NAV3: variants seen among roughly 807,000 people sequenced by gnomAD.
NAV3 encodes neuron navigator 3.
A neutral mutation model predicts 244.7 loss-of-function variants in NAV3; 87 were observed. The observed-to-expected ratio is 0.36, with a 90% CI of 0.30 to 0.42. The LOEUF (loss-of-function observed/expected upper bound fraction) is 0.42, where lower values mean the gene tolerates loss of function less well. Ranked by LOEUF, NAV3 falls within the 20% of genes least tolerant of loss-of-function variation. NAV3 has a pLI of 1.00. For missense variants in NAV3, 2,663 were observed against 2,893.3 expected (o/e 0.92, Z 1.83); for synonymous variants, 1,126 against 1,042.2 (o/e 1.08, Z -1.55).
intron 2 of NAV3, among the ~76,000 whole-genome samples, chr12:77,696,962 T>A (rs979678873): frequency 2.6e-5 from 4 of 152,184 alleles, no homozygotes; most frequent in African/African-American, 9.6e-5. Context: ...AGCTTCATCT[T>A]TGGTGATATA....
At chr12:77,944,279 C>A (rs1890131690) in intron 3 of NAV3, among the ~76,000 whole-genome samples, 1 of 152,042 alleles carries the variant, frequency 6.6e-6, no homozygotes, top group South Asian at 2.1e-4. Context: ...TAAAGCTGGG[C>A]TGTGGTATGA....
At chr12:78,037,182 G>T (rs1345517102) in intron 9 of NAV3, 1 of 703,044 alleles carries the variant, frequency 1.4e-6, no homozygotes, top group Admixed American at 2.0e-5. Flanking sequence ...GGAATTGTCT[G>T]CAAGAAGAGG....
At chr12:78,117,398 A>T (rs1172745173) in intron 13 of NAV3, among the ~76,000 whole-genome samples, 1 of 44,402 alleles carries the variant, frequency 2.3e-5, no homozygotes, top group Non-Finnish European at 5.2e-5. Flanking sequence ...ATAAATATAT[A>T]TTTATATATT....
intron 39 of NAV3, among the ~76,000 whole-genome samples, chr12:78,206,037 C>G (rs569568891): frequency 3.3e-4 from 50 of 152,266 alleles, no homozygotes; most frequent in Non-Finnish European, 6.3e-4. Context: ...TCATCATCAT[C>G]ATCTCAGCTG....
chr12:77,960,046 C>T (rs1891744919), intron 3 of NAV3, among the ~76,000 whole-genome samples: 1 of 149,878 alleles, frequency 6.7e-6, no homozygotes, highest in African/African-American at 2.5e-5. Flanking sequence ...AACAGTAATG[C>T]ATTAAGCATT....
chr12:77,755,016 A>AGTT (rs1869060991), intron 2 of NAV3, among the ~76,000 whole-genome samples: 1 of 152,170 alleles, frequency 6.6e-6, no homozygotes, highest in South Asian at 2.1e-4. Context: ...TATCGGGAAA[A>AGTT]GTTTTTTTGC....
At chr12:78,099,082 T>C (rs1162121649) in intron 12 of NAV3, among the ~76,000 whole-genome samples, 1 of 151,594 alleles carries the variant, frequency 6.6e-6, no homozygotes, top group African/African-American at 2.4e-5. Flanking sequence ...TCAGTAATTC[T>C]CTTTTTGTAT....
At chr12:77,620,908 G>A (rs1871345008) in intron 2 of NAV3, among the ~76,000 whole-genome samples, 1 of 152,180 alleles carries the variant, frequency 6.6e-6, no homozygotes, top group Non-Finnish European at 1.5e-5. Context: ...AAAGTATTTG[G>A]AATTAATTAA....
At chr12:78,105,112 G>A (rs757711702) in intron 12 of NAV3, among the ~76,000 whole-genome samples, 11 of 152,052 alleles carry the variant, frequency 7.2e-5, no homozygotes, top group Admixed American at 2.0e-4. Flanking sequence ...ATACATTTAT[G>A]ACAGTATGGG....
In NAV3 at chr12:78,179,618, G is replaced by A. The variant is rs376446713; in HGVS notation, c.5453G>A (p.Arg1818Gln). 4.3e-6 allele frequency: 7 copies of A among 1,613,192 alleles called. No individual in the cohort carries two copies. The highest frequency in any genetic ancestry group is 2.7e-5 in the African/African-American group (2 of 74,888). Reference protein sequence around the residue: ...REKELKLTDIRLEALSSAHHL... With the variant: ...REKELKLTDIQLEALSSAHHL... ...AAGGAATTAAAATTAACGGATATTC[G>A]GCTGGAGGCCCTCAGCTCTGCTCAT... The change falls in exon 29 of 40, where the codon CGG (arginine) becomes CAG (glutamine). Residue 1818 changes from arginine (R) to glutamine (Q), a missense_variant. Arg to Gln is a conservative substitution (Grantham distance 43, BLOSUM62 1). Transcript: ENST00000397909.
In NAV3 at chr12:78,043,061, C is replaced by T. The variant is rs563772512; in HGVS notation, c.2024-6932C>T. ...ACCCGTCATCTACATTAGGTATTTC[C>T]CCTAATGCTATCCCTCCCCTTGATC... On this transcript the variant is annotated intron_variant, in intron 9 of 39. Coordinates refer to ENST00000397909, the MANE Select transcript of NAV3 (RefSeq NM_001024383.2). Among the ~76,000 whole-genome samples, 3 of 152,048 alleles carry T rather than the reference C, an allele frequency of 2.0e-5. No homozygotes were observed. In the East Asian group the frequency reaches 5.8e-4, roughly 30 times the overall value.
At chr12:77,747,475 T>A (rs4761397) in intron 2 of NAV3, among the ~76,000 whole-genome samples, 1 of 151,974 alleles carries the variant, frequency 6.6e-6, no homozygotes, top group Admixed American at 6.6e-5. Flanking sequence ...GTCAGTGTGG[T>A]GATTCCTCAG....
intron 12 of NAV3, among the ~76,000 whole-genome samples, chr12:78,071,509 G>T (rs914608036): frequency 2.0e-5 from 3 of 152,028 alleles, no homozygotes; most frequent in Non-Finnish European, 4.4e-5. Flanking sequence ...TAGGTTGCCT[G>T]TTCACTCTGA....
chr12:77,937,071 G>A (rs2137414204), intron 1 of NAV3, among the ~76,000 whole-genome samples: 1 of 152,172 alleles, frequency 6.6e-6, no homozygotes, highest in Middle Eastern at 3.4e-3. Flanking sequence ...TTTCCTTGGA[G>A]GGTCTCAAGT....
At position 78,190,170 on chromosome 12, in the gene NAV3, A is replaced by G. The variant is rs754734026; in HGVS notation, c.6242A>G (p.Lys2081Arg). The G allele has an allele frequency of 1.9e-6, 3 of 1,612,914 alleles. No homozygotes were observed. Among genetic ancestry groups the G allele is most frequent in the East Asian group, 4.5e-5 (2 of 44,658 alleles). Residue 2081 changes from lysine to arginine, a missense_variant, in exon 34 of 40, where the codon AAA (lysine) becomes AGA (arginine). Physicochemically the swap from Lys to Arg is conservative, Grantham distance 26. Transcript: ENST00000397909. ...EYVITKSGRK[K>R]TEDAIATFNV... ...GTAATAACCAAATCTGGAAGGAAAA[A>G]AACAGAGGATGCAATTGCCACTTTT...
chr12:78,035,693 G>A (rs1184837917), intron 9 of NAV3, among the ~76,000 whole-genome samples: 1 of 152,066 alleles, frequency 6.6e-6, no homozygotes, highest in Non-Finnish European at 1.5e-5. Flanking sequence ...AATATCAAGG[G>A]AAAACCCTTT....
intron 2 of NAV3, among the ~76,000 whole-genome samples, chr12:77,820,396 G>T (rs563235503): frequency 2.0e-5 from 3 of 152,166 alleles, no homozygotes. Context: ...ATCTTCATAT[G>T]TTAGAAGGTG....
At chr12:78,128,150 T>C (rs1956002526) in intron 17 of NAV3, among the ~76,000 whole-genome samples, 1 of 152,092 alleles carries the variant, frequency 6.6e-6, no homozygotes, top group Admixed American at 6.6e-5. Context: ...AATTATTCCA[T>C]GTTAATATTT....
chr12:77,674,471 C>A (rs868111051), intron 2 of NAV3, among the ~76,000 whole-genome samples: 1 of 152,082 alleles, frequency 6.6e-6, no homozygotes, highest in East Asian at 1.9e-4. Context: ...TAGCCTCAAC[C>A]TCCCAGGCTC....
Sources: allele counts gnomAD v4.1 joint callset (sites outside exome capture counted in the v4.1 genomes callset), GRCh38; gene constraint gnomAD v4.1.1; transcripts MANE v1.5; gene names NCBI Gene and HGNC (gene_info 2026-07-23, HGNC 2026-07-21).